LINC00237: variants seen among roughly 807,000 people sequenced by gnomAD.
LINC00237 encodes long independently transcribed non-coding RNA 237, also known as long intergenic non-protein coding RNA 237.
chr20:21,087,000 GTACATATATAGTA>G (rs2030720554), intron 3 of LINC00237, among the ~76,000 whole-genome samples: 1 of 140,830 alleles, frequency 7.1e-6, no homozygotes, highest in Non-Finnish European at 1.5e-5. Flanking sequence ...TACATATATA[GTACATATATAGTA>G]TATATGTACT....
intron 1 of LINC00237, among the ~76,000 whole-genome samples, chr20:21,094,011 T>C (rs189835700): frequency 9.7e-4 from 148 of 152,322 alleles, no homozygotes; most frequent in Non-Finnish European, 1.9e-3. Context: ...TGTGTCATGA[T>C]GGGGATGGAG....
At chr20:21,100,769 TTAAACGCCGGGCGGTTTCTGCACCCA>T (rs2030920613) in intron 1 of LINC00237, among the ~76,000 whole-genome samples, 1 of 152,200 alleles carries the variant, frequency 6.6e-6, no homozygotes, top group African/African-American at 2.4e-5. Flanking sequence ...AGCTTGTGGC[TTAAACGCCGGGCGGTTTCTGCACCCA>T]GTTGGTGGGT....
intron 1 of LINC00237, among the ~76,000 whole-genome samples, chr20:21,105,861 C>T (rs1207958062): frequency 3.3e-5 from 5 of 152,122 alleles, no homozygotes; most frequent in Admixed American, 2.6e-4. Flanking sequence ...TAGGCAAGGC[C>T]GGGCTCTGCG....
intron 1 of LINC00237, among the ~76,000 whole-genome samples, chr20:21,095,495 A>T (rs1305176700): frequency 1.3e-5 from 2 of 152,246 alleles, no homozygotes; most frequent in African/African-American, 4.8e-5. Flanking sequence ...GATAAAGAGG[A>T]GTACACACGT....
intron 2 of LINC00237, chr20:21,090,031 T>C (rs979994567): frequency 2.6e-5 from 4 of 152,222 alleles, no homozygotes; most frequent in South Asian, 4.1e-4. Flanking sequence ...GTCTTTCCAT[T>C]GTTTCAGCAG....
At chr20:21,100,543 G>A (rs925104212) in intron 1 of LINC00237, among the ~76,000 whole-genome samples, 5 of 152,222 alleles carry the variant, frequency 3.3e-5, no homozygotes, top group African/African-American at 9.6e-5. Context: ...TATTTTTTAG[G>A]AGTTTTAACC....
At chr20:21,100,125 A>G (rs2030910343) in intron 1 of LINC00237, among the ~76,000 whole-genome samples, 1 of 152,192 alleles carries the variant, frequency 6.6e-6, no homozygotes, top group Non-Finnish European at 1.5e-5. Context: ...GAAAAAGGAA[A>G]TATTTGCAAT....
intron 2 of LINC00237, among the ~76,000 whole-genome samples, chr20:21,091,058 T>C (rs568243261): frequency 4.9e-4 from 73 of 148,796 alleles, no homozygotes; most frequent in African/African-American, 1.4e-3. Flanking sequence ...TGTGTGTGTG[T>C]GCGTGTGTGT....
Position 21,101,455 on chromosome 20 carries a change from G to A in LINC00237, n.88+4816C>T, listed in dbSNP as rs1284328047. On this transcript the variant is annotated intron_variant and non_coding_transcript_variant, in intron 1 of 3. Coordinates refer to ENST00000691244, the Ensembl canonical transcript of LINC00237. The surrounding 1 kb of genome is among the most constrained non-coding windows in gnomAD (Gnocchi z 4.3). The stretch of plus-strand genomic sequence containing the variant: ...GACCTTAATTTAGAGCGCTGCCCCG[G>A]CTCTGGCCCGGAAAGAGAGTGACAG... The A allele has an allele frequency of 1.3e-5, 2 of 152,000 alleles. No individual in the cohort carries two copies. Among genetic ancestry groups the A allele is most frequent in the Non-Finnish European group, 2.9e-5 (2 of 68,116 alleles). 9.4% of individuals were successfully genotyped at this position (152,000 alleles called of 1,614,324 possible).
intron 2 of LINC00237, among the ~76,000 whole-genome samples, chr20:21,091,411 T>C (rs1360450737): frequency 3.9e-5 from 6 of 152,182 alleles, no homozygotes; most frequent in Non-Finnish European, 7.4e-5. Flanking sequence ...AAGAGTGGAC[T>C]AGCAACTTGA....
intron 2 of LINC00237, among the ~76,000 whole-genome samples, chr20:21,089,220 T>G (rs924055705): frequency 6.6e-6 from 1 of 151,300 alleles, no homozygotes; most frequent in Non-Finnish European, 1.5e-5. Context: ...ATGTATTATT[T>G]ATCTATATTT....
chr20:21,098,330 G>A (rs1042389799), intron 1 of LINC00237, among the ~76,000 whole-genome samples: 1 of 152,140 alleles, frequency 6.6e-6, no homozygotes, highest in African/African-American at 2.4e-5. Flanking sequence ...ATGTATAAAA[G>A]CCTGCATGGC....
At chr20:21,098,977 C>A (rs1474914404) in intron 1 of LINC00237, among the ~76,000 whole-genome samples, 2 of 152,216 alleles carry the variant, frequency 1.3e-5, no homozygotes, top group East Asian at 1.9e-4. Context: ...TAATCGCAGC[C>A]ATGAAATCTT....
At chr20:21,089,452 A>G (rs1379216731) in intron 2 of LINC00237, among the ~76,000 whole-genome samples, 3 of 152,074 alleles carry the variant, frequency 2.0e-5, no homozygotes, top group African/African-American at 7.2e-5. Flanking sequence ...GGAAACGAGA[A>G]AAAAGCAAAC....
intron 1 of LINC00237, among the ~76,000 whole-genome samples, chr20:21,105,600 A>C (rs1404802985): frequency 6.6e-6 from 1 of 152,164 alleles, no homozygotes; most frequent in Non-Finnish European, 1.5e-5. Context: ...CACTTCTTCC[A>C]GGGGAAGGAG....
chr20:21,103,226 C>G (rs2030956596), intron 1 of LINC00237, among the ~76,000 whole-genome samples: 1 of 152,270 alleles, frequency 6.6e-6, no homozygotes, highest in Admixed American at 6.5e-5. Context: ...CCATCTTTCC[C>G]TGCTCAACAC....
intron 1 of LINC00237, among the ~76,000 whole-genome samples, chr20:21,100,118 A>G (rs2030910287): frequency 6.6e-6 from 1 of 152,192 alleles, no homozygotes; most frequent in African/African-American, 2.4e-5. Flanking sequence ...AGAACTCGAA[A>G]AAGGAAATAT....
chr20:21,103,431 G>A (rs1433527376), intron 1 of LINC00237, among the ~76,000 whole-genome samples: 1 of 152,190 alleles, frequency 6.6e-6, no homozygotes, highest in Non-Finnish European at 1.5e-5. Flanking sequence ...GGCTGGCTTT[G>A]TAGTTATTTT....
intron 1 of LINC00237, among the ~76,000 whole-genome samples, chr20:21,097,103 G>T (rs937063084): frequency 1.3e-5 from 2 of 152,186 alleles, no homozygotes; most frequent in African/African-American, 2.4e-5. Flanking sequence ...GAGATATTTT[G>T]CAGTCATCTC....
Sources: allele counts gnomAD v4.1 joint callset (sites outside exome capture counted in the v4.1 genomes callset), GRCh38; gene constraint gnomAD v4.1.1; non-coding constraint Gnocchi (gnomAD v3.1); transcripts MANE v1.5; gene names NCBI Gene and HGNC (gene_info 2026-07-23, HGNC 2026-07-21).